Variants in CAMKMT observed in about 807,000 individuals in gnomAD.
CAMKMT encodes the protein CaM KMT.
In CAMKMT, 53 loss-of-function variants were observed where a neutral mutation model predicts 48.0. The observed-to-expected ratio is 1.10, with a 90% CI of 0.89 to 1.39. The LOEUF is 1.39. Among genes scored for constraint, CAMKMT ranks in the 40% most tolerant of loss-of-function variants. The probability of loss-of-function intolerance (pLI) is 0.00; values close to 1 mark genes in which losing one functional copy is unlikely to be tolerated. For missense variants in CAMKMT, 428 were observed against 402.7 expected (o/e 1.06, Z -0.54); for synonymous variants, 165 against 152.3 (o/e 1.08, Z -0.61).
chr2:44,379,695 C>T (rs1680048212), intron 2 of CAMKMT, among the ~76,000 whole-genome samples: 1 of 151,134 alleles, frequency 6.6e-6, no homozygotes, highest in Non-Finnish European at 1.5e-5. Context: ...TTTTCATGTG[C>T]TTATTGGCCA....
chr2:44,402,120 C>T (rs997148893), intron 3 of CAMKMT, among the ~76,000 whole-genome samples: 2 of 151,854 alleles, frequency 1.3e-5, no homozygotes, highest in Non-Finnish European at 2.9e-5. Flanking sequence ...TGAGGTTGGG[C>T]GTTCGAGACC....
chr2:44,634,213 A>T (rs183255737), intron 3 of CAMKMT, among the ~76,000 whole-genome samples: 7 of 152,092 alleles, frequency 4.6e-5, no homozygotes, highest in Admixed American at 3.9e-4. Flanking sequence ...ACTTATGCAT[A>T]GCTCCCTCTT....
At position 44,416,728 on chromosome 2, in the gene CAMKMT, C is replaced by G. The variant is rs907541889; in HGVS notation, c.376+26423C>G. On this transcript the variant is annotated intron_variant, in intron 3 of 10. Coordinates refer to ENST00000378494, the MANE Select transcript of CAMKMT (RefSeq NM_024766.5). ...TAGCTGTGATTACAGGTGCCCACAA[C>G]CACACCCGGCTAATTTTTGTATTTT... Among the ~76,000 whole-genome samples the G allele has an allele frequency of 2.0e-5, 3 of 151,638 alleles. No individual in the cohort carries two copies. The South Asian group carries it at 6.2e-4, about 32-fold the overall frequency.
At chr2:44,402,946 A>G (rs1231876113) in intron 3 of CAMKMT, among the ~76,000 whole-genome samples, 3 of 96,500 alleles carry the variant, frequency 3.1e-5, no homozygotes, top group Non-Finnish European at 4.4e-5. Flanking sequence ...TTCTGTCTTT[A>G]TAGTCTTTGT....
chr2:44,696,852 G>A (rs1676985104), intron 3 of CAMKMT, among the ~76,000 whole-genome samples: 1 of 151,878 alleles, frequency 6.6e-6, no homozygotes, highest in African/African-American at 2.4e-5. Context: ...AAATAATTAA[G>A]ACATTGCATT....
intron 3 of CAMKMT, among the ~76,000 whole-genome samples, chr2:44,445,258 G>A (rs1666912555): frequency 6.6e-6 from 1 of 152,126 alleles, no homozygotes; most frequent in Non-Finnish European, 1.5e-5. Context: ...AGTGGCACCT[G>A]TTATGGTTTC....
chr2:44,731,405 T>G (rs552956388), intron 7 of CAMKMT, among the ~76,000 whole-genome samples: 42 of 152,168 alleles, frequency 2.8e-4, no homozygotes, highest in Non-Finnish European at 3.8e-4. Flanking sequence ...AATATAAAGG[T>G]AAACAAAGAA....
At chr2:44,635,295 C>A (rs1375453795) in intron 3 of CAMKMT, among the ~76,000 whole-genome samples, 1 of 151,934 alleles carries the variant, frequency 6.6e-6, no homozygotes, top group Non-Finnish European at 1.5e-5. Flanking sequence ...TAATTGGTAC[C>A]CTAAGGGGCT....
chr2:44,610,700 A>G (rs910626705), intron 3 of CAMKMT, among the ~76,000 whole-genome samples: 2 of 152,232 alleles, frequency 1.3e-5, no homozygotes, highest in African/African-American at 4.8e-5. Context: ...TTAAAAATAT[A>G]TAAGAGTTCT....
intron 3 of CAMKMT, among the ~76,000 whole-genome samples, chr2:44,607,515 A>C (rs895960365): frequency 6.6e-6 from 1 of 152,198 alleles, no homozygotes; most frequent in African/African-American, 2.4e-5. Context: ...TGATTTACTC[A>C]AAAAAAGATA....
At chr2:44,412,243 A>T (rs192891046) in intron 3 of CAMKMT, among the ~76,000 whole-genome samples, 1 of 152,178 alleles carries the variant, frequency 6.6e-6, no homozygotes, top group Non-Finnish European at 1.5e-5. Context: ...ACTCCCGTAC[A>T]TACAATGGGG....
chr2:44,442,747 C>T (rs1465529099), intron 3 of CAMKMT, among the ~76,000 whole-genome samples: 1 of 152,192 alleles, frequency 6.6e-6, no homozygotes, highest in Admixed American at 6.5e-5. Flanking sequence ...TTAGTTCATC[C>T]TGCTGTTGCA....
chr2:44,721,057 C>T (rs1307899762), intron 7 of CAMKMT, among the ~76,000 whole-genome samples: 2 of 152,228 alleles, frequency 1.3e-5, no homozygotes, highest in East Asian at 3.9e-4. Context: ...GGTTTATCCT[C>T]TTGAGTTTTC....
At chr2:44,764,435 C>A (rs138200888) in intron 9 of CAMKMT, among the ~76,000 whole-genome samples, 1 of 152,088 alleles carries the variant, frequency 6.6e-6, no homozygotes, top group East Asian at 1.9e-4. Context: ...CACAATTTGT[C>A]GGGGGGAAAA....
intron 2 of CAMKMT, among the ~76,000 whole-genome samples, chr2:44,389,229 T>G (rs1681079911): frequency 6.6e-6 from 1 of 152,082 alleles, no homozygotes; most frequent in Non-Finnish European, 1.5e-5. Context: ...CTCCTCTTCT[T>G]ATAAAGAAAC....
intron 3 of CAMKMT, among the ~76,000 whole-genome samples, chr2:44,592,165 T>C (rs1670330692): frequency 6.6e-6 from 1 of 152,112 alleles, no homozygotes; most frequent in South Asian, 2.1e-4. Flanking sequence ...TATACATATG[T>C]AACTAACCTG....
intron 3 of CAMKMT, among the ~76,000 whole-genome samples, chr2:44,504,008 A>AG (rs59927844): frequency 1.6e-4 from 24 of 151,076 alleles, no homozygotes; most frequent in African/African-American, 2.4e-4. Context: ...AGAGAGAGAG[A>AG]AAACGAAACG....
At chr2:44,692,035 A>C (rs934563575) in intron 3 of CAMKMT, among the ~76,000 whole-genome samples, 2 of 152,158 alleles carry the variant, frequency 1.3e-5, no homozygotes, top group Non-Finnish European at 2.9e-5. Flanking sequence ...TAGAACATGT[A>C]TTGTCCATAT....
At chr2:44,532,184 G>A (rs1044872021) in intron 3 of CAMKMT, among the ~76,000 whole-genome samples, 4 of 152,136 alleles carry the variant, frequency 2.6e-5, no homozygotes, top group African/African-American at 9.7e-5. Context: ...GAGAGAGGCT[G>A]GCTATTTGCT....
Sources: allele counts gnomAD v4.1 joint callset (sites outside exome capture counted in the v4.1 genomes callset), GRCh38; gene constraint gnomAD v4.1.1; transcripts MANE v1.5; gene names NCBI Gene and HGNC (gene_info 2026-07-23, HGNC 2026-07-21).